Variants in MAST4 observed in about 807,000 individuals in gnomAD.
MAST4 encodes microtubule associated serine/threonine kinase family member 4, also known as microtubule-associated serine/threonine-protein kinase 4.
In MAST4, 89 loss-of-function variants were observed where a neutral mutation model predicts 162.7. The observed-to-expected ratio is 0.55, with a 90% CI of 0.46 to 0.65. The LOEUF is 0.65. MAST4 is among the 30% of genes least tolerant of loss of function. The pLI, the probability that MAST4 is intolerant of heterozygous loss-of-function variation, is 0.00. For missense variants in MAST4, 3,153 were observed against 3,374.0 expected, an observed-to-expected ratio of 0.93 and a Z score of 1.62; for synonymous variants, 1,479 against 1,361.1, an observed-to-expected ratio of 1.09 and a Z score of -1.91.
At chr5:67,041,960 G>T (rs113050504) in intron 4 of MAST4, among the ~76,000 whole-genome samples, 2,681 of 152,294 alleles carry the variant, frequency 0.018, 91 homozygotes, top group African/African-American at 0.061. Flanking sequence ...CTGCTCTACA[G>T]ATCAGTAAAT....
At chr5:66,733,562 A>G (rs1580321686) in intron 1 of MAST4, among the ~76,000 whole-genome samples, 1 of 152,008 alleles carries the variant, frequency 6.6e-6, no homozygotes, top group Non-Finnish European at 1.5e-5. Flanking sequence ...GGTTCAAGCA[A>G]TTATCCTGCC....
Position 67,121,054 on chromosome 5 carries a change from G to A in MAST4, c.1697G>A (p.Arg566Gln), listed in dbSNP as rs766789977. 8.7e-6 allele frequency: 14 copies of A among 1,611,170 alleles called. No individual in the cohort carries two copies. The highest frequency in any genetic ancestry group is 1.1e-5 in the South Asian group (1 of 90,214). Residue 566 changes from arginine to glutamine, a missense_variant, in exon 14 of 29, where the codon CGG becomes CAG. Physicochemically the swap from Arg to Gln is conservative, Grantham distance 43. Around this residue, in one of 7 missense-constraint regions of MAST4, gnomAD observed 360 missense variants for 450.0 expected, o/e 0.80. Transcript: ENST00000403625. The stretch of plus-strand genomic sequence containing the variant: ...TCCCTGAAACTTCGAAGGAAACCTC[G>A]GGAAAGTGATTTTGAAACGATTAAA... ...NASLKLRRKP[R>Q]ESDFETIKLI...
intron 1 of MAST4, among the ~76,000 whole-genome samples, chr5:66,642,475 C>G (rs1745548777): frequency 1.3e-5 from 2 of 152,140 alleles, no homozygotes; most frequent in African/African-American, 4.8e-5. Flanking sequence ...TAAGGAATTA[C>G]TATTCATTTT....
intron 1 of MAST4, among the ~76,000 whole-genome samples, chr5:66,738,940 C>A (rs562937322): frequency 6.6e-6 from 1 of 152,288 alleles, no homozygotes; most frequent in East Asian, 1.9e-4. Flanking sequence ...GGTTTTTAGT[C>A]AATTACTTCC....
intron 3 of MAST4, among the ~76,000 whole-genome samples, chr5:66,800,377 A>G (rs562773736): frequency 1.2e-4 from 18 of 152,354 alleles, no homozygotes; most frequent in African/African-American, 3.6e-4. Context: ...AATGAACAAG[A>G]TCATGTCCTT....
intron 5 of MAST4, among the ~76,000 whole-genome samples, chr5:67,072,328 C>T (rs1581439270): frequency 6.6e-6 from 1 of 152,182 alleles, no homozygotes; most frequent in Middle Eastern, 3.4e-3. Context: ...TCTGAATAGA[C>T]ATTGAAAAAG....
At chr5:66,867,285 A>T (rs1457248671) in intron 3 of MAST4, among the ~76,000 whole-genome samples, 1 of 152,214 alleles carries the variant, frequency 6.6e-6, no homozygotes, top group African/African-American at 2.4e-5. Flanking sequence ...TTAGGCTTTT[A>T]TAAATCGTCT....
intron 5 of MAST4, among the ~76,000 whole-genome samples, chr5:67,075,276 A>G (rs1761499327): frequency 6.7e-6 from 1 of 149,820 alleles, no homozygotes; most frequent in Admixed American, 6.7e-5. Flanking sequence ...GGCTCAGGTG[A>G]TCCTCCCACC....
chr5:66,882,205 C>G (rs910435079), intron 3 of MAST4, among the ~76,000 whole-genome samples: 3 of 152,132 alleles, frequency 2.0e-5, no homozygotes, highest in African/African-American at 7.2e-5. Flanking sequence ...CTGATGCGCC[C>G]AAGTGTGGTT....
intron 1 of MAST4, among the ~76,000 whole-genome samples, chr5:66,623,550 C>T (rs1055282273): frequency 1.5e-4 from 23 of 152,094 alleles, no homozygotes; most frequent in African/African-American, 5.6e-4. Flanking sequence ...TCATCAGATG[C>T]AGAAAAAATA....
At chr5:67,154,675 A>G (rs1320457095) in intron 26 of MAST4, among the ~76,000 whole-genome samples, 2 of 152,194 alleles carry the variant, frequency 1.3e-5, no homozygotes, top group African/African-American at 4.8e-5. Flanking sequence ...GAAACTGCTT[A>G]AACAGTGGAG....
chr5:66,603,948 A>G (rs993343899), intron 1 of MAST4, among the ~76,000 whole-genome samples: 3 of 152,248 alleles, frequency 2.0e-5, no homozygotes, highest in African/African-American at 7.2e-5. Flanking sequence ...ATACAAAATT[A>G]AGCAGAAGTT....
intron 1 of MAST4, among the ~76,000 whole-genome samples, chr5:66,737,826 G>A (rs758746295): frequency 6.6e-6 from 1 of 152,162 alleles, no homozygotes; most frequent in Non-Finnish European, 1.5e-5. Flanking sequence ...AGGACCGCTT[G>A]AGGCAGATAT....
At chr5:67,118,422 A>G (rs1168176976) in intron 12 of MAST4, among the ~76,000 whole-genome samples, 1 of 152,194 alleles carries the variant, frequency 6.6e-6, no homozygotes, top group Admixed American at 6.5e-5. Flanking sequence ...GCATCAGCCA[A>G]TGAGTTCCTA....
chr5:67,057,327 A>G (rs1389656566), intron 5 of MAST4, among the ~76,000 whole-genome samples: 3 of 152,074 alleles, frequency 2.0e-5, no homozygotes, highest in Admixed American at 6.5e-5. Context: ...ATCTCTCAGC[A>G]CTTATTAACC....
chr5:67,102,887 A>G (rs550762907), intron 9 of MAST4, among the ~76,000 whole-genome samples: 4 of 152,310 alleles, frequency 2.6e-5, no homozygotes, highest in African/African-American at 9.6e-5. Context: ...GAGGTGCCGT[A>G]GGGAGGGTCT....
chr5:67,055,705 T>C (rs1581371241), intron 5 of MAST4, among the ~76,000 whole-genome samples: 1 of 152,024 alleles, frequency 6.6e-6, no homozygotes, highest in African/African-American at 2.4e-5. Flanking sequence ...AACCTTAGAG[T>C]TGGAGAAGCT....
At chr5:66,916,847 A>G (rs1293035682) in intron 4 of MAST4, 131 of 593,770 alleles carry the variant, frequency 2.2e-4, no homozygotes, top group Non-Finnish European at 4.3e-5. Flanking sequence ...ACCACATTTT[A>G]TTTAACCATT....
At chr5:66,807,574 T>G (rs922851913) in intron 3 of MAST4, among the ~76,000 whole-genome samples, 4 of 151,970 alleles carry the variant, frequency 2.6e-5, no homozygotes, top group Admixed American at 2.0e-4. Flanking sequence ...ATATAGTAGG[T>G]CTTATTCATT....
Sources: gnomAD v4.1 joint callset for allele counts (sites outside exome capture counted in the v4.1 genomes callset) on GRCh38, gnomAD v4.1.1 for gene constraint, gnomAD v4.1.1 regional missense constraint, MANE v1.5 for transcripts, NCBI Gene and HGNC (gene_info 2026-07-23, HGNC 2026-07-21) for gene names.